Variants in EPB41L2 observed in about 807,000 individuals in gnomAD.
The protein encoded by EPB41L2 is band 4.1-like protein 2.
EPB41L2 carries 43 observed loss-of-function variants against 113.0 expected under a neutral mutation model. That is an observed-to-expected ratio of 0.38 (90% CI 0.30 to 0.49). The LOEUF is 0.49. EPB41L2 is among the 20% of genes least tolerant of loss of function. The pLI, the probability that EPB41L2 is intolerant of heterozygous loss-of-function variation, is 0.95. For synonymous variants in EPB41L2, 442 were observed against 436.7 expected (o/e 1.01, Z -0.15); for missense variants, 1,147 against 1,223.4 (o/e 0.94, Z 0.93).
At chr6:130,903,491 C>T (rs1056221920) in intron 6 of EPB41L2, among the ~76,000 whole-genome samples, 2 of 151,794 alleles carry the variant, frequency 1.3e-5, no homozygotes, top group Non-Finnish European at 2.9e-5. Flanking sequence ...AACTCTTAAC[C>T]ACTTCCACAA....
intron 19 of EPB41L2, among the ~76,000 whole-genome samples, chr6:130,845,650 G>A (rs181458010): frequency 1.3e-5 from 2 of 152,246 alleles, no homozygotes; most frequent in Admixed American, 1.3e-4. Flanking sequence ...CAACGTGTTC[G>A]GATTACAGGC....
intron 3 of EPB41L2, among the ~76,000 whole-genome samples, chr6:130,939,852 C>G (rs56287869): frequency 6.6e-6 from 1 of 152,126 alleles, no homozygotes; most frequent in African/African-American, 2.4e-5. Context: ...TAGTATGTGA[C>G]AAAACATGCT....
intron 8 of EPB41L2, among the ~76,000 whole-genome samples, chr6:130,897,402 C>T (rs1272062078): frequency 6.6e-6 from 1 of 152,130 alleles, no homozygotes; most frequent in Non-Finnish European, 1.5e-5. Flanking sequence ...TGAAGGTTAT[C>T]TTGAATTTTT....
chr6:130,892,605 A>G (rs1793336862), intron 10 of EPB41L2, among the ~76,000 whole-genome samples: 1 of 151,916 alleles, frequency 6.6e-6, no homozygotes, highest in Non-Finnish European at 1.5e-5. Context: ...ATTCAAGCAT[A>G]TTTTATGAGT....
chr6:130,869,182 A>G (rs918900952), intron 15 of EPB41L2, among the ~76,000 whole-genome samples: 2 of 152,198 alleles, frequency 1.3e-5, no homozygotes, highest in Non-Finnish European at 2.9e-5. Flanking sequence ...TCAACATTAC[A>G]TATACATTTT....
At chr6:130,956,957 C>T (rs1411241751) in intron 1 of EPB41L2, among the ~76,000 whole-genome samples, 2 of 152,134 alleles carry the variant, frequency 1.3e-5, no homozygotes, top group Non-Finnish European at 1.5e-5. Context: ...CAATTTCATA[C>T]ATTAAACCCA....
chr6:131,022,230 T>C (rs1030770878), intron 1 of EPB41L2, among the ~76,000 whole-genome samples: 18 of 152,144 alleles, frequency 1.2e-4, no homozygotes, highest in African/African-American at 3.4e-4. Context: ...GAGACTCTAA[T>C]GCCACTGACA....
intron 18 of EPB41L2, among the ~76,000 whole-genome samples, chr6:130,862,179 C>T (rs1782322109): frequency 6.6e-6 from 1 of 151,940 alleles, no homozygotes; most frequent in Admixed American, 6.6e-5. Context: ...TATTCTTTTG[C>T]CTTTTATAAC....
chr6:130,929,888 CACACACACAT>C (rs748793214), intron 3 of EPB41L2, among the ~76,000 whole-genome samples: 11,110 of 147,610 alleles, frequency 0.075, 566 homozygotes, highest in South Asian at 0.12. Context: ...CACACACACA[CACACACACAT>C]ACACGCACAG....
At chr6:130,896,294 T>A (rs1214416955) in intron 8 of EPB41L2, among the ~76,000 whole-genome samples, 1 of 152,214 alleles carries the variant, frequency 6.6e-6, no homozygotes, top group African/African-American at 2.4e-5. Context: ...TTTTAAAAAA[T>A]CCAATCAATT....
rs34793686 is a variant in EPB41L2, at chr6:130,934,796, C to CT, written c.706-8088dup. Among the ~76,000 whole-genome samples the CT allele has an allele frequency of 4.4e-3, 566 of 129,244 alleles. 2 individuals carry two copies. The highest frequency in any genetic ancestry group is 6.8e-3 in the African/African-American group (246 of 36,186). The allele number at this position is 129,244 out of a possible 152,430, so 84.8% of individuals were successfully genotyped here. On this transcript the variant is annotated intron_variant, in intron 3 of 19. Coordinates refer to ENST00000337057, the MANE Select transcript of EPB41L2 (RefSeq NM_001431.4). Reference sequence around the variant, plus strand: ...GCACCCGTCCCTTTCTTTTTGTTTTCTTTTTTTTTTTTTTTTGTAACTGAA... The same window carrying CT: ...GCACCCGTCCCTTTCTTTTTGTTTTCTTTTTTTTTTTTTTTTTGTAACTGAA...
At chr6:130,926,737 T>A (rs754585454) in intron 3 of EPB41L2, 28 bp from the exon 4 acceptor site, 52 of 1,459,746 alleles carry the variant, frequency 3.6e-5, no homozygotes, top group Middle Eastern at 1.8e-4. Flanking sequence ...ACTTTACTTT[T>A]CAAGTACTAA....
At chr6:130,990,627 T>C (rs1013051375) in intron 1 of EPB41L2, among the ~76,000 whole-genome samples, 1 of 152,118 alleles carries the variant, frequency 6.6e-6, no homozygotes, top group Non-Finnish European at 1.5e-5. Context: ...ATATACAGAA[T>C]TAACTTTGAT....
chr6:130,868,395 T>C (rs1328527784), intron 15 of EPB41L2: 1 of 152,240 alleles, frequency 6.6e-6, no homozygotes, highest in Non-Finnish European at 1.5e-5. Flanking sequence ...ATTAACATTT[T>C]AGTCTGCCGA....
chr6:131,014,648 G>A (rs551378315), intron 1 of EPB41L2, among the ~76,000 whole-genome samples: 3 of 152,198 alleles, frequency 2.0e-5, no homozygotes, highest in South Asian at 4.2e-4. Flanking sequence ...CAACAATGAC[G>A]CAAAGGCAAC....
intron 3 of EPB41L2, among the ~76,000 whole-genome samples, chr6:130,940,543 G>A (rs1810461836): frequency 6.7e-6 from 1 of 150,326 alleles, no homozygotes; most frequent in Non-Finnish European, 1.5e-5. Context: ...CTGGTTCACT[G>A]TAGACTCTAC....
At chr6:131,007,056 C>T (rs1194845058) in intron 1 of EPB41L2, among the ~76,000 whole-genome samples, 1 of 152,172 alleles carries the variant, frequency 6.6e-6, no homozygotes, top group African/African-American at 2.4e-5. Flanking sequence ...CCCAAGCAGC[C>T]AAATGAAAAT....
intron 1 of EPB41L2, among the ~76,000 whole-genome samples, chr6:130,987,891 C>T (rs1780949077): frequency 6.6e-6 from 1 of 151,178 alleles, no homozygotes; most frequent in Non-Finnish European, 1.5e-5. Context: ...AGCAGGAGGA[C>T]TGCTTGAGCC....
At chr6:130,900,889 G>C (rs552940907) in intron 7 of EPB41L2, 73 bp downstream of exon 7, 6 of 1,517,234 alleles carry the variant, frequency 4.0e-6, no homozygotes, top group Non-Finnish European at 5.4e-6. Context: ...ATGCTCAAAT[G>C]TCTAGTAAGT....
Sources: gnomAD v4.1 joint callset for allele counts (sites outside exome capture counted in the v4.1 genomes callset) on GRCh38, gnomAD v4.1.1 for gene constraint, MANE v1.5 for transcripts, NCBI Gene and HGNC (gene_info 2026-07-23, HGNC 2026-07-21) for gene names.